Variants in CELF2 observed in about 807,000 individuals in gnomAD.
CELF2 encodes the protein CUG triplet repeat RNA-binding protein 2.
Under a neutral mutation model 62.6 loss-of-function variants are expected in CELF2, and 8 were observed. The observed-to-expected ratio is 0.13, with a 90% confidence interval of 0.07 to 0.23. The LOEUF (loss-of-function observed/expected upper bound fraction) is 0.23, where lower values mean the gene tolerates loss of function less well. CELF2 is among the 10% of genes least tolerant of loss of function. CELF2 has a pLI of 1.00. For synonymous variants in CELF2, 258 were observed against 250.0 expected (o/e 1.03, Z -0.30); for missense variants, 333 against 671.0 (o/e 0.50, Z 5.56).
chr10:10,864,189 T>C (rs999371879), intron 1 of CELF2, among the ~76,000 whole-genome samples: 2 of 152,124 alleles, frequency 1.3e-5, no homozygotes, highest in African/African-American at 2.4e-5. Context: ...ATATCCCAGC[T>C]CTGCCACCAA....
the CELF2 span, among the ~76,000 whole-genome samples, chr10:10,676,049 G>C: frequency 1.3e-5 from 2 of 152,196 alleles, no homozygotes; most frequent in Non-Finnish European, 2.9e-5. Flanking sequence ...GTACTGGGAA[G>C]AGGAACTGCT....
chr10:11,289,160 C>T (rs1328987861), intron 9 of CELF2, among the ~76,000 whole-genome samples: 3 of 151,988 alleles, frequency 2.0e-5, no homozygotes, highest in East Asian at 1.9e-4. Context: ...GCTTAGATAC[C>T]GTGATTTGAG....
rs972226424 is a variant in CELF2, at chr10:10,928,353, T to C, written c.89+8354T>C. On this transcript the variant is annotated intron_variant, in intron 2 of 13. Transcript: ENST00000636488. The surrounding 1 kb of genome is among the most constrained non-coding windows in gnomAD (Gnocchi z 4.8). ...CTGGTCTCCTACTCTTTGTATGTGT[T>C]CTTCCTTCTATTTGAAAGCCCAGTG... Among the ~76,000 whole-genome samples the C allele has an allele frequency of 2.6e-5, 4 of 152,186 alleles. No individual in the cohort carries two copies. Among genetic ancestry groups the C allele is most frequent in the African/African-American group, 9.6e-5 (4 of 41,454 alleles).
At chr10:11,148,065 A>G (rs760362789) in intron 1 of CELF2, among the ~76,000 whole-genome samples, 3 of 152,270 alleles carry the variant, frequency 2.0e-5, no homozygotes, top group Non-Finnish European at 4.4e-5. Flanking sequence ...GCATAAATGA[A>G]CAGCCATGAA....
At chr10:11,258,218 T>G (rs60148103) in intron 5 of CELF2, among the ~76,000 whole-genome samples, 2,520 of 152,278 alleles carry the variant, frequency 0.017, 62 homozygotes, top group African/African-American at 0.055. Flanking sequence ...ATATTTGTTG[T>G]TTTCATCTTA....
the CELF2 span, among the ~76,000 whole-genome samples, chr10:10,622,952 G>A: frequency 9.2e-5 from 14 of 151,500 alleles, no homozygotes; most frequent in Non-Finnish European, 1.5e-4. Context: ...GCGTGGTGGC[G>A]GGCGCCTGTA....
At chr10:11,125,672 C>T (rs1010843992) in intron 1 of CELF2, among the ~76,000 whole-genome samples, 15 of 152,118 alleles carry the variant, frequency 9.9e-5, no homozygotes, top group African/African-American at 3.4e-4. Flanking sequence ...GTGATGGTAG[C>T]GTTTTGCCAC....
intron 2 of CELF2, among the ~76,000 whole-genome samples, chr10:11,181,391 T>A (rs954911016): frequency 2.1e-4 from 32 of 152,334 alleles, no homozygotes; most frequent in African/African-American, 7.5e-4. Flanking sequence ...GTTAGCACAG[T>A]GTGTGGTAAC....
chr10:10,696,586 G>A, the CELF2 span, among the ~76,000 whole-genome samples: 2 of 151,974 alleles, frequency 1.3e-5, no homozygotes, highest in Admixed American at 6.6e-5. Flanking sequence ...GCAATGGCGG[G>A]CGCCCCTCCC....
rs1020454391 is a variant in CELF2 at position 11,302,011 on chromosome 10, G to A, written c.977-12128G>A. ...CCTCCGCTCAGCAGATGCCAGCTCA[G>A]TGCCCGCTGCACCAGTGATTCTCAT... On this transcript the variant is annotated intron_variant, in intron 9 of 12. Transcript: ENST00000633077. This position sits in a 1 kb window ranked among gnomAD's most constrained non-coding sequence, Gnocchi z 5.0. Among the ~76,000 whole-genome samples the A allele has an allele frequency of 1.3e-5, 2 of 152,208 alleles. No homozygotes were observed. Among genetic ancestry groups the A allele is most frequent in the African/African-American group, 4.8e-5 (2 of 41,462 alleles).
chr10:10,493,404 G>A, the CELF2 span, among the ~76,000 whole-genome samples: 1 of 151,542 alleles, frequency 6.6e-6, no homozygotes, highest in South Asian at 2.1e-4. Flanking sequence ...CCACTAAACT[G>A]TACACCTAAA....
the CELF2 span, among the ~76,000 whole-genome samples, chr10:10,589,172 A>G: frequency 1.3e-5 from 2 of 152,210 alleles, no homozygotes; most frequent in Non-Finnish European, 2.9e-5. Context: ...CTTCCAGGTC[A>G]TAAGTAGATT....
At chr10:11,005,036 C>T (rs1033185560), upstream of CELF2, 23 of 984,958 alleles carry the variant, frequency 2.3e-5, no homozygotes, top group Non-Finnish European at 2.3e-5. The surrounding 1 kb of genome is among the most constrained non-coding windows in gnomAD (Gnocchi z 4.3). Flanking sequence ...TTTTGTTCCC[C>T]CAATTTTTAA....
At chr10:10,816,507 A>G (rs1446797598) in intron 1 of CELF2, among the ~76,000 whole-genome samples, 3 of 152,110 alleles carry the variant, frequency 2.0e-5, no homozygotes, top group South Asian at 4.1e-4. Flanking sequence ...CTTTTCCTAT[A>G]ATTATTTTTA....
the CELF2 span, among the ~76,000 whole-genome samples, chr10:10,463,534 C>G: frequency 1.3e-5 from 2 of 152,124 alleles, no homozygotes; most frequent in Admixed American, 1.3e-4. Context: ...ACTCTGGCTA[C>G]TATATTTTAC....
intron 1 of CELF2, among the ~76,000 whole-genome samples, chr10:11,063,785 A>G (rs569218165): frequency 6.6e-6 from 1 of 152,320 alleles, no homozygotes; most frequent in African/African-American, 2.4e-5. Flanking sequence ...TCCACACATT[A>G]AAATCACCTA....
At position 11,319,664 on chromosome 10, in the gene CELF2, C is replaced by T. The variant is rs1565968867; in HGVS notation, c.1097-1525C>T. 9.5e-6 allele frequency: 4 copies of T among 419,328 alleles called. No individual in the cohort carries two copies. Among genetic ancestry groups the T allele is most frequent in the South Asian group, 7.3e-5 (4 of 54,678 alleles). The allele number at this position is 419,328 out of a possible 1,614,324, so 26.0% of individuals were successfully genotyped here. Reference sequence around the variant, plus strand: ...AGCCTGCACTCAGGAGGCTGCCACTCCATTCTCACGCCATTCACACTCGTC... The same window carrying T: ...AGCCTGCACTCAGGAGGCTGCCACTTCATTCTCACGCCATTCACACTCGTC... On this transcript the variant is annotated intron_variant, in intron 10 of 12. Transcript: ENST00000633077. This position sits in a 1 kb window ranked among gnomAD's most constrained non-coding sequence, Gnocchi z 4.4.
rs1565233457 is a variant in CELF2, at chr10:11,197,057, GAAAAGAAAGAAAGGAAAGA to G, written c.272-20365_272-20347del. On this transcript the variant is annotated intron_variant, in intron 2 of 12. Coordinates refer to ENST00000633077, the MANE Select transcript of CELF2 (RefSeq NM_001326342.2). ...AGAAAGAAAGAAAGAAAGAAAGAAA[GAAAAGAAAGAAAGGAAAGA>G]AAGAAAGAAGAAAGAAAGAAGGGTT... Among the ~76,000 whole-genome samples, 30 of 37,482 alleles carry G rather than the reference GAAAAGAAAGAAAGGAAAGA, an allele frequency of 8.0e-4. 1 individual carries two copies. Among genetic ancestry groups the G allele is most frequent in the African/African-American group, 3.3e-3 (30 of 9,046 alleles). The allele number at this position is 37,482 out of a possible 152,430, so 24.6% of individuals were successfully genotyped here. A position where few individuals can be genotyped will look rare whatever the true frequency, so the allele number is the denominator to read the frequency against.
At chr10:10,680,478 A>G in the CELF2 span, among the ~76,000 whole-genome samples, 1 of 152,184 alleles carries the variant, frequency 6.6e-6, no homozygotes, top group Admixed American at 6.5e-5. Context: ...AGTTTTGCAG[A>G]CAGTGCTTTC....
Sources: gnomAD v4.1 joint callset for allele counts (sites outside exome capture counted in the v4.1 genomes callset) on GRCh38, gnomAD v4.1.1 for gene constraint, Gnocchi (gnomAD v3.1) non-coding constraint, MANE v1.5 for transcripts, NCBI Gene and HGNC (gene_info 2026-07-23, HGNC 2026-07-21) for gene names.